Variants in MYCBP2 observed in about 807,000 individuals in gnomAD.
The protein encoded by MYCBP2 is E3 ubiquitin-protein ligase MYCBP2.
MYCBP2 carries 120 observed loss-of-function variants against 525.3 expected under a neutral mutation model. That is an observed-to-expected ratio of 0.23 (90% confidence interval 0.20 to 0.27). The LOEUF (loss-of-function observed/expected upper bound fraction) is 0.27, where lower values mean the gene tolerates loss of function less well. Ranked by LOEUF, MYCBP2 falls within the 10% of genes least tolerant of loss-of-function variation. The pLI is 1.00. For synonymous variants in MYCBP2, 1,894 were observed against 1,955.8 expected, an observed-to-expected ratio of 0.97 and a Z score of 0.83; for missense variants, 4,149 against 5,657.1, an observed-to-expected ratio of 0.73 and a Z score of 8.55.
chr13:77,061,560 T>C, intron 75 of MYCBP2, 102 bp downstream of exon 75: 1 of 1,359,948 alleles, frequency 7.4e-7, no homozygotes, highest in Non-Finnish European at 9.9e-7. Flanking sequence ...AGGTCTTTGA[T>C]TCCAAAGTCC....
At position 77,189,024 on chromosome 13, in the gene MYCBP2, G is replaced by T; in HGVS notation, c.4178C>A (p.Ala1393Asp). Reference protein sequence around the residue: ...LYRLPTSDGSASKGKQQTSEP... With the variant: ...LYRLPTSDGSDSKGKQQTSEP... ...ACTGGTTTGCTGTTTGCCTTTTGAA[G>T]CACTGCCATCACTGGTTGGAAGTCT... The change falls in exon 30 of 83, where the codon GCT (alanine) becomes GAT (aspartate). Residue 1393 changes from alanine to aspartate, a missense_variant. This residue lies in a region of MYCBP2 where 292 missense variants were observed against 330.5 expected (regional missense o/e 0.88). Coordinates refer to ENST00000544440, the MANE Select transcript of MYCBP2 (RefSeq NM_015057.5). 1 of 1,610,654 alleles carries T rather than the reference G, an allele frequency of 6.2e-7. No individual in the cohort carries two copies. Among genetic ancestry groups the T allele is most frequent in the South Asian group, 1.1e-5 (1 of 90,700 alleles).
chr13:77,302,809 GA>G (rs1273752041), intron 1 of MYCBP2, among the ~76,000 whole-genome samples: 2 of 152,156 alleles, frequency 1.3e-5, no homozygotes, highest in Admixed American at 1.3e-4. Context: ...AGTATTAAAA[GA>G]AATGAAAAGA....
At chr13:77,258,961 G>A (rs779966510) in intron 13 of MYCBP2, among the ~76,000 whole-genome samples, 1 of 152,022 alleles carries the variant, frequency 6.6e-6, no homozygotes, top group East Asian at 1.9e-4. Context: ...AATTAAAAGC[G>A]TTGGTGCCAA....
At chr13:77,307,444 A>G (rs756677773) in intron 1 of MYCBP2, among the ~76,000 whole-genome samples, 20 of 151,368 alleles carry the variant, frequency 1.3e-4, no homozygotes, top group Non-Finnish European at 1.8e-4. Flanking sequence ...TGGGCAACAT[A>G]GCAAGACCCC....
At chr13:77,124,448 T>C (rs1293776580) in intron 54 of MYCBP2, among the ~76,000 whole-genome samples, 1 of 152,208 alleles carries the variant, frequency 6.6e-6, no homozygotes, top group East Asian at 1.9e-4. Flanking sequence ...CTTCATCCTA[T>C]AAATTTTGGG....
At chr13:77,178,761 G>C (rs981686594) in intron 34 of MYCBP2, among the ~76,000 whole-genome samples, 3 of 152,150 alleles carry the variant, frequency 2.0e-5, no homozygotes, top group Non-Finnish European at 2.9e-5. Context: ...AGGACCTGTG[G>C]GAACTCCCAA....
At chr13:77,151,350 G>A (rs962909190) in intron 46 of MYCBP2, among the ~76,000 whole-genome samples, 1 of 152,158 alleles carries the variant, frequency 6.6e-6, no homozygotes, top group Non-Finnish European at 1.5e-5. Flanking sequence ...AAGCACTAAT[G>A]TCAGTTTGAG....
At chr13:77,191,479 A>C (rs1404364196) in intron 28 of MYCBP2, among the ~76,000 whole-genome samples, 200 bp downstream of exon 28, 1 of 152,242 alleles carries the variant, frequency 6.6e-6, no homozygotes, top group African/African-American at 2.4e-5. Flanking sequence ...ACAGGAGCAA[A>C]GTACAGTGGT....
At chr13:77,177,444 T>G (rs1037447079) in intron 35 of MYCBP2, among the ~76,000 whole-genome samples, 15 of 150,684 alleles carry the variant, frequency 1.0e-4, no homozygotes, top group Non-Finnish European at 1.5e-5. Context: ...CGGGCTCAAG[T>G]GATCCTCCCA....
Position 77,081,700 on chromosome 13 carries a change from C to T in MYCBP2, c.11194-49G>A, listed in dbSNP as rs778074702. 57 of 1,544,704 alleles carry T rather than the reference C, an allele frequency of 3.7e-5. No homozygotes were observed. The African/African-American group carries it at 5.9e-4, about 16-fold the overall frequency. On this transcript the variant is annotated intron_variant, in intron 64 of 82. Coordinates refer to ENST00000544440, the MANE Select transcript of MYCBP2 (RefSeq NM_015057.5). This position sits in a 1 kb window ranked among gnomAD's most constrained non-coding sequence, Gnocchi z 4.6. ...TTATGATACTTAAAAGCAAATCTTT[C>T]GTGATGATAAAACAAACAGGTATAA...
chr13:77,063,353 G>C (rs1051561002), intron 73 of MYCBP2, among the ~76,000 whole-genome samples: 5 of 151,980 alleles, frequency 3.3e-5, no homozygotes, highest in Non-Finnish European at 7.4e-5. Flanking sequence ...AGGTCAGGGG[G>C]TTATGACCAG....
intron 82 of MYCBP2, among the ~76,000 whole-genome samples, chr13:77,048,247 A>G (rs182642337): frequency 1.1e-4 from 16 of 152,192 alleles, no homozygotes; most frequent in Admixed American, 1.0e-3. Flanking sequence ...AGAAAGTGCC[A>G]CCTATGAGGC....
intron 80 of MYCBP2, among the ~76,000 whole-genome samples, 161 bp downstream of exon 80, chr13:77,055,397 A>T (rs559131442): frequency 6.6e-6 from 1 of 152,352 alleles, no homozygotes; most frequent in South Asian, 2.1e-4. Flanking sequence ...AAGTTAAGTA[A>T]ACAAGTTTTA....
chr13:77,146,310 G>A, intron 47 of MYCBP2, 93 bp from the exon 48 acceptor site: 1 of 769,988 alleles, frequency 1.3e-6, no homozygotes, highest in East Asian at 3.1e-5. Flanking sequence ...ATGGTTGTGA[G>A]ACAACTGGTT....
At chr13:77,074,786 T>C (rs1405099781) in intron 68 of MYCBP2, among the ~76,000 whole-genome samples, 1 of 152,232 alleles carries the variant, frequency 6.6e-6, no homozygotes, top group Non-Finnish European at 1.5e-5. Flanking sequence ...GTTCCATTTA[T>C]ATGACATCCA....
chr13:77,109,978 C>A (rs2048518271), intron 55 of MYCBP2: 1 of 152,118 alleles, frequency 6.6e-6, no homozygotes, highest in Non-Finnish European at 1.5e-5. Flanking sequence ...ATGTACGTCA[C>A]CTCAGGACCA....
intron 68 of MYCBP2, among the ~76,000 whole-genome samples, chr13:77,072,152 A>G (rs967691520): frequency 2.6e-5 from 4 of 151,932 alleles, no homozygotes; most frequent in African/African-American, 9.7e-5. Flanking sequence ...TTAGCTGGGC[A>G]TGGTGGCGGG....
intron 45 of MYCBP2, 37 bp downstream of exon 45, chr13:77,157,900 G>A (rs748432429): frequency 6.6e-7 from 1 of 1,520,796 alleles, no homozygotes; most frequent in Admixed American, 2.0e-5. Context: ...AAAGATGAAA[G>A]CCCTAAAATA....
At chr13:77,276,528 C>T (rs1465292136) in intron 4 of MYCBP2, among the ~76,000 whole-genome samples, 1 of 151,930 alleles carries the variant, frequency 6.6e-6, no homozygotes, top group African/African-American at 2.4e-5. Context: ...AAAGCAGTGA[C>T]GAGATCAGCA....
Sources: allele counts gnomAD v4.1 joint callset (sites outside exome capture counted in the v4.1 genomes callset), GRCh38; gene constraint gnomAD v4.1.1; regional missense constraint gnomAD v4.1.1; non-coding constraint Gnocchi (gnomAD v3.1); transcripts MANE v1.5; gene names NCBI Gene and HGNC (gene_info 2026-07-23, HGNC 2026-07-21).